The following MACF1 variants were observed in gnomAD, a reference collection of about 807,000 sequenced individuals.
The protein encoded by MACF1 is microtubule-actin cross-linking factor 1.
A neutral mutation model predicts 854.8 loss-of-function variants in MACF1; 193 were observed. That is an observed-to-expected ratio of 0.23 (90% CI 0.20 to 0.25). The LOEUF is 0.25. Ranked by LOEUF, MACF1 falls within the 10% of genes least tolerant of loss-of-function variation. The pLI, the probability that MACF1 is intolerant of heterozygous loss-of-function variation, is 1.00. For synonymous variants in MACF1, 3,185 were observed against 3,226.7 expected (o/e 0.99, Z 0.44); for missense variants, 7,722 against 8,929.1 (o/e 0.86, Z 5.45).
chr1:39,334,848 G>T lies in MACF1; in HGVS notation c.8260G>T (p.Glu2754Ter). ...EAIEKRLISP[E>*]LANMIQIDSS... The stretch of plus-strand genomic sequence containing the variant: ...TATTGAGAAAAGACTGATCAGCCCT[G>T]AACTGGCAAATATGATCCAAATAGA... Residue 2754 changes from glutamate (E) to a stop codon, truncating the protein, a stop_gained, in exon 37 of 101, where the codon GAA (glutamate) becomes TAA (stop). Coordinates refer to ENST00000564288, the MANE Select transcript of MACF1 (RefSeq NM_001394062.1). LOFTEE classifies it high-confidence loss of function. 1.2e-6 allele frequency: 2 copies of T among 1,614,182 alleles called. No homozygotes were observed. Among genetic ancestry groups the T allele is most frequent in the Non-Finnish European group, 1.7e-6 (2 of 1,180,028 alleles).
chr1:39,444,817 T>A lies in MACF1; in HGVS notation c.19587T>A (p.Ser6529Arg), dbSNP rs765988252. The change falls in exon 80 of 101, where the codon AGT becomes AGA. Residue 6529 changes from serine (S) to arginine (R), a missense_variant. Transcript: ENST00000564288. ...AGCAGAAGTGGCATGTGGTCAGCAG[T>A]AAGATGGAAGAAAGAAAGGTACAGT... is the stretch of plus-strand genomic sequence containing the variant. The part of the protein sequence containing the change: ...LLEQKWHVVS[S>R]KMEERKSKLE... 4 of 1,608,030 alleles carry A rather than the reference T, an allele frequency of 2.5e-6. No homozygotes were observed. Among genetic ancestry groups the A allele is most frequent in the Non-Finnish European group, 3.4e-6 (4 of 1,175,524 alleles).
At position 39,442,333 on chromosome 1, in the gene MACF1, G is replaced by A; in HGVS notation, c.18948+13G>A. 1 of 1,597,914 alleles carries A rather than the reference G, an allele frequency of 6.3e-7. No homozygotes were observed. The highest frequency in any genetic ancestry group is 8.5e-7 in the Non-Finnish European group (1 of 1,173,442). On this transcript the variant is annotated intron_variant, in intron 76 of 100. Transcript: ENST00000564288. ...TGCCCACCGACAGGTAAGGCAGGTG[G>A]TAGATGACATCAGTGAACTACTCTC... is the stretch of plus-strand genomic sequence containing the variant.
At chr1:39,367,151 T>C (rs1396177771) in intron 49 of MACF1, among the ~76,000 whole-genome samples, 1 of 151,938 alleles carries the variant, frequency 6.6e-6, no homozygotes, top group Non-Finnish European at 1.5e-5. Flanking sequence ...TTCACCATGT[T>C]GGCCAGCCTG....
At chr1:39,156,074 A>G (rs541060651) in intron 2 of MACF1, among the ~76,000 whole-genome samples, 1 of 152,190 alleles carries the variant, frequency 6.6e-6, no homozygotes, top group African/African-American at 2.4e-5. Flanking sequence ...TTTTTAGTAG[A>G]GATGGGGTTT....
At position 39,480,019 on chromosome 1, in the gene MACF1, G is replaced by A. The variant is rs374637458; in HGVS notation, c.22170+10G>A. On this transcript the variant is annotated intron_variant, in intron 98 of 100. Coordinates refer to ENST00000564288, the MANE Select transcript of MACF1 (RefSeq NM_001394062.1). The stretch of plus-strand genomic sequence containing the variant: ...AGCCAGTGGAACCAAGGTATGTACT[G>A]ATCTCCATTATGCCCTTCTTCCCCA... 6.2e-7 allele frequency: 1 copy of A among 1,612,518 alleles called. No individual in the cohort carries two copies. The highest frequency in any genetic ancestry group is 1.3e-5 in the African/African-American group (1 of 74,882).
At chr1:39,108,854 TAA>T (rs947557204) in intron 2 of MACF1, among the ~76,000 whole-genome samples, 3 of 152,206 alleles carry the variant, frequency 2.0e-5, no homozygotes, top group Non-Finnish European at 4.4e-5. Context: ...GGGCTAGGAA[TAA>T]AAGAGAACAT....
intron 51 of MACF1, among the ~76,000 whole-genome samples, chr1:39,371,515 T>G (rs1649241522): frequency 1.3e-5 from 2 of 152,044 alleles, no homozygotes; most frequent in Non-Finnish European, 2.9e-5. Flanking sequence ...GTCCTTTCTC[T>G]GAAAGGAGTA....
In MACF1 at chr1:39,335,660, A is replaced by G; in HGVS notation, c.9072A>G (p.Glu3024=). 1 of 1,614,152 alleles carries G rather than the reference A, an allele frequency of 6.2e-7. No homozygotes were observed. Among genetic ancestry groups the G allele is most frequent in the Non-Finnish European group, 8.5e-7 (1 of 1,180,012 alleles). Residue 3024 remains glutamate (E), a synonymous_variant, in exon 37 of 101, where the codon GAA becomes GAG. Transcript: ENST00000564288. The part of the protein sequence containing the change: ...KSQPREMTSS[E]KGKEADTEMG... Reference sequence around the variant, plus strand: ...AACCTAGGGAAATGACCTCAAGTGAAAAAGGGAAAGAAGCTGATACAGAAA... The same window carrying G: ...AACCTAGGGAAATGACCTCAAGTGAGAAAGGGAAAGAAGCTGATACAGAAA...
Position 39,183,113 on chromosome 1 carries a change from A to G in MACF1, c.221-48069A>G, listed in dbSNP as rs80110163. ...AAGAAGCCAGACACAAAAGGCTTGT[A>G]TGATTCCATTTATACCATTTATACA... On this transcript the variant is annotated intron_variant, in intron 2 of 93. Transcript: ENST00000361689. 4.7e-4 allele frequency among the ~76,000 whole-genome samples: 72 copies of G among 152,362 alleles called. No individual in the cohort carries two copies. In the East Asian group the frequency reaches 7.9e-3, roughly 17 times the overall value.
intron 1 of MACF1, among the ~76,000 whole-genome samples, chr1:39,227,317 A>G (rs56953358): frequency 0.023 from 3,505 of 152,200 alleles, 84 homozygotes; most frequent in East Asian, 0.13. Context: ...TACTTGGCCA[A>G]TTGAGAACGC....
intron 58 of MACF1, among the ~76,000 whole-genome samples, chr1:39,403,757 G>T (rs1044891520): frequency 2.0e-5 from 3 of 151,198 alleles, no homozygotes; most frequent in Non-Finnish European, 4.4e-5. Flanking sequence ...CATTTATAAA[G>T]ATTTAGATTT....
chr1:39,178,261 T>G (rs1474163471), intron 2 of MACF1, among the ~76,000 whole-genome samples: 1 of 151,760 alleles, frequency 6.6e-6, no homozygotes, highest in East Asian at 1.9e-4. Context: ...TACATAGGTA[T>G]ACATGTGCCA....
chr1:39,439,187 AG>A, intron 71 of MACF1, 86 bp from the exon 72 acceptor site: 1 of 606,626 alleles, frequency 1.6e-6, no homozygotes, highest in Non-Finnish European at 2.9e-6. Context: ...TTCATTGAAA[AG>A]GTCAGAGTTA....
chr1:39,163,503 G>GT (rs1338511723), intron 2 of MACF1, among the ~76,000 whole-genome samples: 3 of 152,082 alleles, frequency 2.0e-5, no homozygotes, highest in African/African-American at 7.2e-5. Flanking sequence ...TGGAAAGATG[G>GT]TACTACTAGT....
chr1:39,422,084 CA>C (rs898129620), intron 58 of MACF1, among the ~76,000 whole-genome samples: 2 of 149,536 alleles, frequency 1.3e-5, no homozygotes, highest in Non-Finnish European at 3.0e-5. Flanking sequence ...CCAAAAAAAA[CA>C]AAAAAAAATT....
At chr1:39,464,948 A>C in intron 94 of MACF1, 147 bp from the exon 95 acceptor site, 2 of 730,318 alleles carry the variant, frequency 2.7e-6, no homozygotes, top group African/African-American at 1.8e-5. Context: ...TCCCTGTGGC[A>C]GGAGCTTGGT....
In MACF1 at chr1:39,336,094, A is replaced by C; in HGVS notation, c.9506A>C (p.Lys3169Thr). The C allele has an allele frequency of 6.2e-7, 1 of 1,613,982 alleles. No individual in the cohort carries two copies. Among genetic ancestry groups the C allele is most frequent in the Non-Finnish European group, 8.5e-7 (1 of 1,180,016 alleles). Residue 3169 changes from lysine to threonine, a missense_variant, in exon 37 of 101, where the codon AAA becomes ACA. Transcript: ENST00000564288. ...CAAATTTCCTCATCTAATGAATGTAAAGAAAAGTCATACCAAGAAGTATCT... is the reference window on the plus strand; with the variant it reads ...CAAATTTCCTCATCTAATGAATGTACAGAAAAGTCATACCAAGAAGTATCT... ...KHQISSSNEC[K>T]EKSYQEVSFD...
At chr1:39,425,378 C>G (rs1239353999) in intron 61 of MACF1, among the ~76,000 whole-genome samples, 1 of 152,114 alleles carries the variant, frequency 6.6e-6, no homozygotes, top group Admixed American at 6.6e-5. Flanking sequence ...GCAGATGAAC[C>G]TTTCTGAAAT....
At position 39,287,394 on chromosome 1, in the gene MACF1, C is replaced by T. The variant is rs775148784; in HGVS notation, c.1617C>T (p.Thr539=). ...AATTGGTTCCACCCTCTACTTTAAC[C>T]ACCACTCATCTGAAAGCAGAACCCT... ...SLELVPPSTL[T]TTHLKAEPLT... The change falls in exon 15 of 101, where the codon ACC becomes ACT. Residue 539 remains threonine (T), a synonymous_variant. Coordinates refer to ENST00000564288, the MANE Select transcript of MACF1 (RefSeq NM_001394062.1). 1.9e-6 allele frequency: 3 copies of T among 1,614,108 alleles called. No individual in the cohort carries two copies. Among genetic ancestry groups the T allele is most frequent in the South Asian group, 2.2e-5 (2 of 91,072 alleles).
Sources: gnomAD v4.1 joint callset for allele counts (sites outside exome capture counted in the v4.1 genomes callset) on GRCh38, gnomAD v4.1.1 for gene constraint, MANE v1.5 for transcripts, NCBI Gene and HGNC (gene_info 2026-07-23, HGNC 2026-07-21) for gene names.